The following SH2D4B variants were observed in gnomAD, a reference collection of about 807,000 sequenced individuals.
SH2D4B encodes the protein SH2 domain-containing protein 4B.
A neutral mutation model predicts 61.5 loss-of-function variants in SH2D4B; 45 were observed. The observed-to-expected ratio is 0.73, with a 90% CI of 0.58 to 0.94. The LOEUF is 0.94. SH2D4B is among the 40% of genes least tolerant of loss of function. SH2D4B has a pLI of 0.00. For missense variants in SH2D4B, 572 were observed against 574.2 expected (o/e 1.00, Z 0.04); for synonymous variants, 224 against 220.4 (o/e 1.02, Z -0.14).
intron 1 of SH2D4B, among the ~76,000 whole-genome samples, chr10:80,567,696 T>A (rs1841987085): frequency 6.6e-6 from 1 of 152,234 alleles, no homozygotes; most frequent in Non-Finnish European, 1.5e-5. Flanking sequence ...CCGCAAAGTT[T>A]CCCTGCCTTG....
intron 4 of SH2D4B, among the ~76,000 whole-genome samples, chr10:80,590,839 A>G (rs747700357): frequency 1.1e-3 from 168 of 151,988 alleles, no homozygotes; most frequent in African/African-American, 3.7e-3. Context: ...TGTCACTTCA[A>G]AAAGAAACTC....
chr10:80,554,419 C>A (rs1404896637), intron 1 of SH2D4B, among the ~76,000 whole-genome samples: 1 of 152,038 alleles, frequency 6.6e-6, no homozygotes, highest in African/African-American at 2.4e-5. Flanking sequence ...TCCAGAGAAA[C>A]AGAACCAATT....
intron 4 of SH2D4B, among the ~76,000 whole-genome samples, chr10:80,600,289 A>G (rs73309239): frequency 3.4e-3 from 524 of 152,324 alleles, no homozygotes; most frequent in African/African-American, 0.012. Context: ...TGTTCTATTC[A>G]CCCAAGGGAT....
intron 6 of SH2D4B, among the ~76,000 whole-genome samples, chr10:80,623,798 G>A (rs1416160795): frequency 6.6e-6 from 1 of 152,148 alleles, no homozygotes; most frequent in African/African-American, 2.4e-5. Context: ...TGCTGTGTGT[G>A]GCTCTGTTGT....
In SH2D4B at chr10:80,538,150, A is replaced by C; in HGVS notation, c.-182A>C. ...CCTGGCCTCTTTTGCTGTCCTGGGT[A>C]GAGGAGATGAGTTCGTCGCTGGCTG... On this transcript the variant is annotated 5_prime_UTR_variant, in exon 1 of 8. An upstream open reading frame in the 5' UTR loses its in-frame stop. Coordinates refer to ENST00000646907, the MANE Select transcript of SH2D4B (RefSeq NM_001388272.1). The surrounding 1 kb of genome is among the most constrained non-coding windows in gnomAD (Gnocchi z 4.8). The C allele has an allele frequency of 2.5e-6, 1 of 398,796 alleles. No individual in the cohort carries two copies. The highest frequency in any genetic ancestry group is 4.2e-6 in the Non-Finnish European group (1 of 235,698). The allele number at this position is 398,796 out of a possible 1,614,324, so 24.7% of individuals were successfully genotyped here. A position where few individuals can be genotyped will look rare whatever the true frequency, so the allele number is the denominator to read the frequency against.
At chr10:80,600,521 A>ATGTGTG (rs67885510) in intron 4 of SH2D4B, among the ~76,000 whole-genome samples, 234 of 127,964 alleles carry the variant, frequency 1.8e-3, no homozygotes, top group African/African-American at 4.6e-3. Flanking sequence ...GCAGAGTGGC[A>ATGTGTG]TGTGTGTGTG....
intron 1 of SH2D4B, among the ~76,000 whole-genome samples, chr10:80,553,520 A>C (rs1841789509): frequency 1.3e-5 from 2 of 152,154 alleles, no homozygotes; most frequent in Admixed American, 6.5e-5. Flanking sequence ...TGGATTTCCC[A>C]ATGACAGTTA....
At chr10:80,551,332 A>G (rs961611661) in intron 1 of SH2D4B, among the ~76,000 whole-genome samples, 6 of 152,174 alleles carry the variant, frequency 3.9e-5, no homozygotes, top group African/African-American at 1.4e-4. Context: ...GGGATTACAG[A>G]TGTGAGCCAC....
intron 4 of SH2D4B, among the ~76,000 whole-genome samples, chr10:80,599,106 T>TA (rs1306530596): frequency 6.6e-6 from 1 of 152,140 alleles, no homozygotes; most frequent in Non-Finnish European, 1.5e-5. Context: ...GGTCCAGTGA[T>TA]ATGGGTTCCA....
chr10:80,640,575 C>G (rs1840274107), intron 7 of SH2D4B, among the ~76,000 whole-genome samples: 1 of 152,138 alleles, frequency 6.6e-6, no homozygotes, highest in East Asian at 1.9e-4. Context: ...TCCACTTGAT[C>G]AAATTGGCTA....
Position 80,634,291 on chromosome 10 carries a change from T to A in SH2D4B, c.995T>A (p.Ile332Asn), listed in dbSNP as rs1238551675. Residue 332 changes from isoleucine (I) to asparagine (N), a missense_variant, in exon 7 of 8, where the codon ATT (isoleucine) becomes AAT (asparagine). Transcript: ENST00000646907. The part of the protein sequence containing the change: ...KFIAPWFHGI[I>N]SREDAEALLE... ...TTTTTCTATTTTAAATCAGGAATTA[T>A]TAGCCGAGAAGATGCAGAAGCTCTC... The A allele has an allele frequency of 6.7e-7, 1 of 1,502,312 alleles. No homozygotes were observed. The highest frequency in any genetic ancestry group is 1.4e-5 in the African/African-American group (1 of 70,682). 93.1% of individuals were successfully genotyped at this position (1,502,312 alleles called of 1,614,324 possible). A position where few individuals can be genotyped will look rare whatever the true frequency, so the allele number is the denominator to read the frequency against.
intron 6 of SH2D4B, among the ~76,000 whole-genome samples, chr10:80,615,463 C>G (rs1842650226): frequency 6.6e-6 from 1 of 152,242 alleles, no homozygotes; most frequent in Non-Finnish European, 1.5e-5. Flanking sequence ...TTTACAATCC[C>G]TTACTGTATA....
chr10:80,586,415 C>T (rs1043760657), intron 3 of SH2D4B, among the ~76,000 whole-genome samples: 6 of 151,676 alleles, frequency 4.0e-5, no homozygotes, highest in African/African-American at 1.5e-4. Context: ...CTGTATCTAG[C>T]TCAAGGTTTG....
Position 80,588,716 on chromosome 10 carries a change from G to GA in SH2D4B, c.584dup (p.Gln196AlafsTer10), listed in dbSNP as rs1842288886. 6.2e-7 allele frequency: 1 copy of GA among 1,614,104 alleles called. No homozygotes were observed. Among genetic ancestry groups the GA allele is most frequent in the Non-Finnish European group, 8.5e-7 (1 of 1,180,034 alleles). On this transcript the variant is annotated frameshift_variant, in exon 4 of 8. Transcript: ENST00000646907. LOFTEE classifies it high-confidence loss of function. ...GGGCGAAGGAGCTCTACTGGACCCT[G>GA]AAGCAGGCTCAGCTGCATTGCCAAG...
chr10:80,540,713 C>T (rs1441763877), intron 1 of SH2D4B: 27 of 925,200 alleles, frequency 2.9e-5, no homozygotes, highest in Middle Eastern at 6.8e-4. Context: ...TCCAGCATTA[C>T]TATGTGCTGA....
rs1373079617 is a variant in SH2D4B at position 80,539,914 on chromosome 10, G to A, written c.184+1399G>A. Among the ~76,000 whole-genome samples, 14 of 152,104 alleles carry A rather than the reference G, an allele frequency of 9.2e-5. No homozygotes were observed. The highest frequency in any genetic ancestry group is 3.1e-4 in the African/African-American group (13 of 41,410). ...GCTGCTGCCAAAGCTGGGGCCTTCCGGGCTGGGCTGCGCTGGCAGCTGCAT... is the reference window on the plus strand; with the variant it reads ...GCTGCTGCCAAAGCTGGGGCCTTCCAGGCTGGGCTGCGCTGGCAGCTGCAT... On this transcript the variant is annotated intron_variant, in intron 1 of 7. Transcript: ENST00000646907. The surrounding 1 kb of genome is among the most constrained non-coding windows in gnomAD (Gnocchi z 4.9).
At chr10:80,547,491 A>ATAG (rs201158263) in intron 1 of SH2D4B, among the ~76,000 whole-genome samples, 4,049 of 152,220 alleles carry the variant, frequency 0.027, 174 homozygotes, top group African/African-American at 0.091. Context: ...TATCTGGACC[A>ATAG]TAGCTCTTTG....
At chr10:80,586,305 C>A (rs980436152) in intron 3 of SH2D4B, among the ~76,000 whole-genome samples, 15 of 152,234 alleles carry the variant, frequency 9.9e-5, no homozygotes, top group Non-Finnish European at 2.1e-4. Flanking sequence ...GGCCCTGGTG[C>A]GCGATCCACT....
At chr10:80,572,008 G>A (rs910354447) in intron 3 of SH2D4B, among the ~76,000 whole-genome samples, 2 of 151,908 alleles carry the variant, frequency 1.3e-5, no homozygotes, top group Non-Finnish European at 2.9e-5. Context: ...TCCTGACCTC[G>A]TGATCCGCCC....
Sources: allele counts gnomAD v4.1 joint callset (sites outside exome capture counted in the v4.1 genomes callset), GRCh38; gene constraint gnomAD v4.1.1; non-coding constraint Gnocchi (gnomAD v3.1); transcripts MANE v1.5; gene names NCBI Gene and HGNC (gene_info 2026-07-23, HGNC 2026-07-21).